NCAN: variants seen among roughly 807,000 people sequenced by gnomAD.
NCAN encodes neurocan core protein.
NCAN carries 47 observed loss-of-function variants against 121.8 expected under a neutral mutation model. The observed-to-expected ratio is 0.39, with a 90% CI of 0.31 to 0.49. The LOEUF (loss-of-function observed/expected upper bound fraction) is 0.49, where lower values mean the gene tolerates loss of function less well. Ranked by LOEUF, NCAN falls within the 20% of genes least tolerant of loss-of-function variation. NCAN has a pLI of 0.92. For synonymous variants in NCAN, 633 were observed against 702.0 expected (o/e 0.90, Z 1.55); for missense variants, 1,517 against 1,773.4 (o/e 0.86, Z 2.60).
At chr19:19,215,838 G>A (rs2060794266) in intron 1 of NCAN, among the ~76,000 whole-genome samples, 1 of 152,218 alleles carries the variant, frequency 6.6e-6, no homozygotes. Flanking sequence ...CCAGTCTGAT[G>A]GAGGAGGCTG....
rs369469503 is a variant in NCAN, at chr19:19,240,585, C to A, written c.3410-18C>A. On this transcript the variant is annotated intron_variant, in intron 11 of 14. Transcript: ENST00000252575. ...AGGCATGGGTGAACACCCAGACCCA[C>A]AACCCCCGACCCTGCAGGCTTTGGG... 176 of 1,613,746 alleles carry A rather than the reference C, an allele frequency of 1.1e-4. No individual in the cohort carries two copies. The highest frequency in any genetic ancestry group is 1.5e-4 in the Non-Finnish European group (173 of 1,179,878).
chr19:19,224,951 C>G (rs1000650841), intron 5 of NCAN, 26 bp from the exon 6 acceptor site: 1 of 1,387,540 alleles, frequency 7.2e-7, no homozygotes, highest in Non-Finnish European at 9.3e-7. Flanking sequence ...CCCAGCCCCC[C>G]TGACCTCCAC....
chr19:19,231,663 G>A (rs527375027), intron 8 of NCAN, among the ~76,000 whole-genome samples: 56 of 152,178 alleles, frequency 3.7e-4, no homozygotes, highest in Non-Finnish European at 6.0e-4. Context: ...ACTAGGCTGC[G>A]AAATGCTTAG....
intron 12 of NCAN, among the ~76,000 whole-genome samples, chr19:19,242,605 C>T (rs926341494): frequency 3.3e-5 from 5 of 152,060 alleles, no homozygotes; most frequent in African/African-American, 1.2e-4. Context: ...AGGAGAATCG[C>T]TTGAACCTGG....
At chr19:19,245,245 C>A in intron 12 of NCAN, 68 bp from the exon 13 acceptor site, 1 of 1,577,908 alleles carries the variant, frequency 6.3e-7, no homozygotes, top group Non-Finnish European at 8.6e-7. Context: ...AGTCCCACAG[C>A]AGGAATTGCC....
chr19:19,217,117 C>T, intron 2 of NCAN, 91 bp downstream of exon 2: 1 of 911,708 alleles, frequency 1.1e-6, no homozygotes, highest in Non-Finnish European at 1.5e-6. Flanking sequence ...TCCTGCTGGT[C>T]TCCTGGCATG....
At position 19,249,984 on chromosome 19, in the gene NCAN, C is replaced by G. The variant is rs1277067786; in HGVS notation, c.*73C>G. 1.4e-6 allele frequency: 2 copies of G among 1,480,842 alleles called. No homozygotes were observed. The highest frequency in any genetic ancestry group is 2.8e-5 in the African/African-American group (2 of 71,488). 91.7% of individuals were successfully genotyped at this position (1,480,842 alleles called of 1,614,324 possible). A position where few individuals can be genotyped will look rare whatever the true frequency, so the allele number is the denominator to read the frequency against. On this transcript the variant is annotated 3_prime_UTR_variant, in exon 15 of 15. Coordinates refer to ENST00000252575, the MANE Select transcript of NCAN (RefSeq NM_004386.3). ...AGCCTTCGCCTGGGGAGACAGAACCCAGAGAGAAACAAGAGAGTCCAGAAG... is the reference window on the plus strand; with the variant it reads ...AGCCTTCGCCTGGGGAGACAGAACCGAGAGAGAAACAAGAGAGTCCAGAAG...
chr19:19,227,199 A>C lies in NCAN; in HGVS notation c.1661-82A>C, dbSNP rs2060840685. 7 of 1,494,254 alleles carry C rather than the reference A, an allele frequency of 4.7e-6. No individual in the cohort carries two copies. The East Asian group carries it at 1.6e-4, about 34-fold the overall frequency. The allele number at this position is 1,494,254 out of a possible 1,614,324, so 92.6% of individuals were successfully genotyped here. A position where few individuals can be genotyped will look rare whatever the true frequency, so the allele number is the denominator to read the frequency against. On this transcript the variant is annotated intron_variant, in intron 7 of 14. Transcript: ENST00000252575. The surrounding 1 kb of genome is among the most constrained non-coding windows in gnomAD (Gnocchi z 4.2). ...CCCAGCTGGGTCCTCTGGCCCCAGA[A>C]GCCCCCTCTCCCTTGGGCCTGGAGT... is the stretch of plus-strand genomic sequence containing the variant.
At chr19:19,246,102 C>T (rs1047247869) in intron 13 of NCAN, among the ~76,000 whole-genome samples, 55 of 151,984 alleles carry the variant, frequency 3.6e-4, no homozygotes, top group Non-Finnish European at 1.9e-4. Flanking sequence ...CAAAGGCATG[C>T]TCTTGGCTCA....
chr19:19,217,542 C>T (rs1446600173), intron 2 of NCAN, among the ~76,000 whole-genome samples: 2 of 152,210 alleles, frequency 1.3e-5, no homozygotes, highest in Non-Finnish European at 2.9e-5. Context: ...GTGCCTGTTA[C>T]AAAGATGGTA....
At chr19:19,213,724 C>T (rs2060784946) in intron 1 of NCAN, among the ~76,000 whole-genome samples, 2 of 152,008 alleles carry the variant, frequency 1.3e-5, no homozygotes, top group African/African-American at 4.8e-5. Flanking sequence ...GCAGTGTGCA[C>T]CCTTGGCACG....
chr19:19,214,727 G>GGTGTGTGT (rs56279536), intron 1 of NCAN, among the ~76,000 whole-genome samples: 22 of 141,246 alleles, frequency 1.6e-4, no homozygotes, highest in East Asian at 1.3e-3. Flanking sequence ...CTGTTAACGG[G>GGTGTGTGT]GTGTGTGTGT....
In NCAN at chr19:19,226,894, A is replaced by T; in HGVS notation, c.1481A>T (p.Gln494Leu). 1 of 1,609,678 alleles carries T rather than the reference A, an allele frequency of 6.2e-7. No individual in the cohort carries two copies. Among genetic ancestry groups the T allele is most frequent in the Non-Finnish European group, 8.5e-7 (1 of 1,177,674 alleles). ...TTGAATGGGCGCTACTTCCAGCAGC[A>T]GGAACCGGAGCCGGGGCTGCAAGGG... ...KGLNGRYFQQQEPEPGLQGGM... is the reference protein window; with the variant it reads ...KGLNGRYFQQLEPEPGLQGGM... Residue 494 changes from glutamine to leucine, a missense_variant, in exon 7 of 15, where the codon CAG becomes CTG. By Grantham distance (113) the Gln-to-Leu change is moderately radical. Coordinates refer to ENST00000252575, the MANE Select transcript of NCAN (RefSeq NM_004386.3).
rs1205416215 is a variant in NCAN, at chr19:19,250,312, T to C, written c.*401T>C. 8.0e-6 allele frequency: 3 copies of C among 374,056 alleles called. No individual in the cohort carries two copies. Among genetic ancestry groups the C allele is most frequent in the East Asian group, 1.4e-4 (2 of 14,136 alleles). The allele number at this position is 374,056 out of a possible 1,614,324, so 23.2% of individuals were successfully genotyped here. ...ACACCAGAAATTCAGACTTAGTCAATGTTGGCTGAATTCCTAAATCCAGGA... is the reference window on the plus strand; with the variant it reads ...ACACCAGAAATTCAGACTTAGTCAACGTTGGCTGAATTCCTAAATCCAGGA... On this transcript the variant is annotated 3_prime_UTR_variant, in exon 15 of 15. Coordinates refer to ENST00000252575, the MANE Select transcript of NCAN (RefSeq NM_004386.3).
intron 13 of NCAN, among the ~76,000 whole-genome samples, 167 bp downstream of exon 13, chr19:19,245,624 T>G (rs2060921693): frequency 6.6e-6 from 1 of 152,050 alleles, no homozygotes; most frequent in South Asian, 2.1e-4. Flanking sequence ...ACTATAGGCA[T>G]GCACCAACAT....
rs111710669 is a variant in NCAN at position 19,221,984 on chromosome 19, A to G, written c.476-2037A>G. The stretch of plus-strand genomic sequence containing the variant: ...CAATAAATGACTCAGTGAATGGATT[A>G]TTGTACAGCAAACATCCCGTGGACT... On this transcript the variant is annotated intron_variant, in intron 3 of 14. Coordinates refer to ENST00000252575, the MANE Select transcript of NCAN (RefSeq NM_004386.3). Among the ~76,000 whole-genome samples the G allele has an allele frequency of 1.8e-3, 277 of 152,288 alleles. 1 individual carries two copies. The highest frequency in any genetic ancestry group is 6.5e-3 in the African/African-American group (271 of 41,562).
intron 8 of NCAN, among the ~76,000 whole-genome samples, chr19:19,229,267 G>A (rs2060849689): frequency 6.6e-6 from 1 of 152,156 alleles, no homozygotes; most frequent in Non-Finnish European, 1.5e-5. Flanking sequence ...TCTGATTTGG[G>A]GATGAGTTCA....
Position 19,225,518 on chromosome 19 carries a change from C to A in NCAN, c.1072+248C>A, listed in dbSNP as rs2060833183. Among the ~76,000 whole-genome samples, 1 of 152,212 alleles carries A rather than the reference C, an allele frequency of 6.6e-6. No individual in the cohort carries two copies. Among genetic ancestry groups the A allele is most frequent in the Non-Finnish European group, 1.5e-5 (1 of 68,026 alleles). On this transcript the variant is annotated intron_variant, in intron 6 of 14. Coordinates refer to ENST00000252575, the MANE Select transcript of NCAN (RefSeq NM_004386.3). The surrounding 1 kb of genome is among the most constrained non-coding windows in gnomAD (Gnocchi z 4.0). Reference sequence around the variant, plus strand: ...CCACTCTGGTGGGGAGTCACCTTTGCTGGGTGGGCTGTATCTCCTGAGGTC... The same window carrying A: ...CCACTCTGGTGGGGAGTCACCTTTGATGGGTGGGCTGTATCTCCTGAGGTC...
intron 1 of NCAN, among the ~76,000 whole-genome samples, chr19:19,216,334 CAG>C (rs1351020901): frequency 6.7e-6 from 1 of 148,470 alleles, no homozygotes; most frequent in Non-Finnish European, 1.5e-5. Flanking sequence ...TTTTTTGAGA[CAG>C]AGTCTCACCC....
Sources: allele counts gnomAD v4.1 joint callset (sites outside exome capture counted in the v4.1 genomes callset), GRCh38; gene constraint gnomAD v4.1.1; non-coding constraint Gnocchi (gnomAD v3.1); transcripts MANE v1.5; gene names NCBI Gene and HGNC (gene_info 2026-07-23, HGNC 2026-07-21).